Variants in EP400 observed in about 807,000 individuals in gnomAD.
The protein encoded by EP400 is E1A-binding protein p400.
A neutral mutation model predicts 354.1 loss-of-function variants in EP400; 105 were observed. The ratio of observed to expected loss-of-function variants is 0.30; its 90% CI spans 0.25 to 0.35. The LOEUF is 0.35. Among genes scored for constraint, EP400 ranks in the 10% least tolerant of loss-of-function variants. The pLI is 1.00. For synonymous variants in EP400, 1,646 were observed against 1,716.9 expected, an observed-to-expected ratio of 0.96 and a Z score of 1.02; for missense variants, 3,280 against 4,121.0, an observed-to-expected ratio of 0.80 and a Z score of 5.59.
At chr12:132,047,312 A>T (rs1349914565) in intron 39 of EP400, among the ~76,000 whole-genome samples, 1 of 152,242 alleles carries the variant, frequency 6.6e-6, no homozygotes, top group Admixed American at 6.5e-5. Flanking sequence ...AATAATAGCC[A>T]TTACCTTATT....
Position 132,062,548 on chromosome 12 carries a change from ACAGCAGCAGCAGCAGCAG to A in EP400, c.8208_8225del (p.Gln2743_Gln2748del), listed in dbSNP as rs528214697. 1.5e-4 allele frequency: 233 copies of A among 1,564,266 alleles called. 1 individual carries two copies. The highest frequency in any genetic ancestry group is 6.9e-4 in the Middle Eastern group (4 of 5,774). On this transcript the variant is annotated inframe_deletion, in exon 47 of 53. Transcript: ENST00000389561. ...GGCAGCAGCAGCAGCAGCAGCAACA[ACAGCAGCAGCAGCAGCAG>A]CAGCAGCAGCAGCAGCAGCAGCAGC... is the stretch of plus-strand genomic sequence containing the variant.
In EP400 at chr12:131,986,964, T is replaced by C. The variant is rs531348876; in HGVS notation, c.2223+157T>C. On this transcript the variant is annotated intron_variant, in intron 6 of 52. Coordinates refer to ENST00000389561, the MANE Select transcript of EP400 (RefSeq NM_015409.5). ...AAGATGAAAACCAAGGGTTAGCCTT[T>C]TCTGTTGGAAGCAGACTCATGGGGG... is the stretch of plus-strand genomic sequence containing the variant. Among the ~76,000 whole-genome samples, 14 of 152,330 alleles carry C rather than the reference T, an allele frequency of 9.2e-5. No homozygotes were observed. The East Asian group carries it at 2.7e-3, about 29-fold the overall frequency.
In EP400 at chr12:132,026,186, C is replaced by T. The variant is rs117009365; in HGVS notation, c.5014+382C>T. ...TCTTTGTCCGGCCCGAGCTGCCACTCCTCATCCTGTCTCGCCACCTGCTTC... is the reference window on the plus strand; with the variant it reads ...TCTTTGTCCGGCCCGAGCTGCCACTTCTCATCCTGTCTCGCCACCTGCTTC... On this transcript the variant is annotated intron_variant, in intron 25 of 52. Transcript: ENST00000389561. 3.7e-4 allele frequency among the ~76,000 whole-genome samples: 56 copies of T among 152,320 alleles called. 1 individual carries two copies. In the East Asian group the frequency reaches 9.7e-3, roughly 26 times the overall value.
chr12:131,972,175 C>A (rs1892307235), intron 2 of EP400, among the ~76,000 whole-genome samples: 1 of 149,324 alleles, frequency 6.7e-6, no homozygotes, highest in African/African-American at 2.5e-5. Context: ...TTTTTTTAAA[C>A]AGAGTCTCGC....
At chr12:131,991,197 C>CCCCATTATTGAT (rs1566176314) in intron 9 of EP400, among the ~76,000 whole-genome samples, 1 of 152,080 alleles carries the variant, frequency 6.6e-6, no homozygotes, top group Non-Finnish European at 1.5e-5. Flanking sequence ...ATGAGGAACC[C>CCCCATTATTGAT]GAGGCTGAGA....
intron 19 of EP400, among the ~76,000 whole-genome samples, chr12:132,015,051 T>C (rs1037007489): frequency 1.3e-5 from 2 of 152,238 alleles, no homozygotes; most frequent in Admixed American, 1.3e-4. Flanking sequence ...CGTGCACTCA[T>C]GGGCTCGCCA....
In EP400 at chr12:131,994,826, T is replaced by A; in HGVS notation, c.2738-41T>A. 6.4e-7 allele frequency: 1 copy of A among 1,553,138 alleles called. No individual in the cohort carries two copies. The highest frequency in any genetic ancestry group is 2.2e-5 in the East Asian group (1 of 44,512). ...GTGTAATGAGTAACAGACACTCAAG[T>A]GGTGTTGCCTCTCAGTGACACTTGC... On this transcript the variant is annotated intron_variant, in intron 11 of 52. Coordinates refer to ENST00000389561, the MANE Select transcript of EP400 (RefSeq NM_015409.5). This position sits in a 1 kb window ranked among gnomAD's most constrained non-coding sequence, Gnocchi z 4.6.
Position 132,075,315 on chromosome 12 carries a change from A to C in EP400, c.9022-1201A>C, listed in dbSNP as rs1896200120. Among the ~76,000 whole-genome samples, 1 of 151,568 alleles carries C rather than the reference A, an allele frequency of 6.6e-6. No individual in the cohort carries two copies. Among genetic ancestry groups the C allele is most frequent in the South Asian group, 2.1e-4 (1 of 4,812 alleles). On this transcript the variant is annotated intron_variant, in intron 51 of 52. Coordinates refer to ENST00000389561, the MANE Select transcript of EP400 (RefSeq NM_015409.5). This position sits in a 1 kb window ranked among gnomAD's most constrained non-coding sequence, Gnocchi z 4.5. ...TCACGGGGTGCGTCTCCATGTGGCCAGCGATCCCGGGCAGAGGTTGTGCAG... is the reference window on the plus strand; with the variant it reads ...TCACGGGGTGCGTCTCCATGTGGCCCGCGATCCCGGGCAGAGGTTGTGCAG...
intron 12 of EP400, among the ~76,000 whole-genome samples, chr12:131,999,331 C>G (rs985346097): frequency 6.6e-6 from 1 of 152,082 alleles, no homozygotes; most frequent in Non-Finnish European, 1.5e-5. Context: ...ATGATGATAC[C>G]TTTAATGTTT....
At chr12:132,006,445 C>G (rs1893584874) in intron 14 of EP400, 143 bp downstream of exon 14, 1 of 1,090,868 alleles carries the variant, frequency 9.2e-7, no homozygotes, top group Non-Finnish European at 1.3e-6. Flanking sequence ...CTTCATGTGC[C>G]TGTAGTCCCA....
rs753428059 is a variant in EP400 at position 132,043,410 on chromosome 12, C to T, written c.6314C>T (p.Pro2105Leu). The T allele has an allele frequency of 2.0e-5, 33 of 1,613,442 alleles. No homozygotes were observed. The highest frequency in any genetic ancestry group is 5.3e-5 in the African/African-American group (4 of 74,876). The change falls in exon 33 of 53, where the codon CCG (proline) becomes CTG (leucine). Residue 2105 changes from proline to leucine, a missense_variant. By Grantham distance (98) the Pro-to-Leu change is moderately conservative. This residue lies in a region of EP400 where 54 missense variants were observed against 41.3 expected (regional missense o/e 1.31). Coordinates refer to ENST00000389561, the MANE Select transcript of EP400 (RefSeq NM_015409.5). ...CTGTCATCAGACTCTGAGAACATGC[C>T]GTGTGATGAAGAACCATCCCAATTA... ...DALSSDSENM[P>L]CDEEPSQLEE... is the part of the protein sequence containing the mutation.
chr12:132,034,851 C>T (rs1467031575), intron 30 of EP400, among the ~76,000 whole-genome samples: 2 of 152,100 alleles, frequency 1.3e-5, no homozygotes, highest in Non-Finnish European at 2.9e-5. Flanking sequence ...AGAGACAGTA[C>T]CTGTGGCCGA....
At chr12:132,023,532 A>C (rs1427709528) in intron 23 of EP400, among the ~76,000 whole-genome samples, 1 of 151,994 alleles carries the variant, frequency 6.6e-6, no homozygotes, top group African/African-American at 2.4e-5. Context: ...TCAATATCTG[A>C]TATCTAAAAT....
chr12:132,003,302 A>G (rs1466205934), intron 12 of EP400, among the ~76,000 whole-genome samples: 1 of 152,196 alleles, frequency 6.6e-6, no homozygotes, highest in East Asian at 1.9e-4. Context: ...AACTATTTAC[A>G]TAGCATTCAC....
At chr12:132,026,350 GA>G (rs1894304282) in intron 25 of EP400, among the ~76,000 whole-genome samples, 1 of 152,220 alleles carries the variant, frequency 6.6e-6, no homozygotes, top group South Asian at 2.1e-4. Context: ...CTCTCCTTGG[GA>G]TGGAGCCCTT....
In EP400 at chr12:132,062,480, C is replaced by G. The variant is rs780140337; in HGVS notation, c.8113C>G (p.Leu2705Val). Residue 2705 changes from leucine to valine, a missense_variant, in exon 47 of 53, where the codon CTC becomes GTC. Physicochemically the swap from Leu to Val is conservative, Grantham distance 32. Around this residue, in one of 20 missense-constraint regions of EP400, gnomAD observed 255 missense variants for 295.9 expected, o/e 0.86. Coordinates refer to ENST00000389561, the MANE Select transcript of EP400 (RefSeq NM_015409.5). Reference sequence around the variant, plus strand: ...CCTCTTCATAGCCACAGGAGTTCAGCTCCCTGGAAAAACCATCACACCTGC... The same window carrying G: ...CCTCTTCATAGCCACAGGAGTTCAGGTCCCTGGAAAAACCATCACACCTGC... The part of the protein sequence containing the change: ...PQVSQATGVQ[L>V]PGKTITPAHF... The G allele has an allele frequency of 1.5e-5, 25 of 1,613,032 alleles. No individual in the cohort carries two copies. In the African/African-American group the frequency reaches 3.3e-4, roughly 22 times the overall value.
intron 2 of EP400, among the ~76,000 whole-genome samples, chr12:131,971,111 G>A (rs540028076): frequency 3.3e-5 from 5 of 152,314 alleles, no homozygotes; most frequent in African/African-American, 9.6e-5. Context: ...GGCTGAGGCG[G>A]GAAGATCGCT....
chr12:132,071,719 G>A (rs1593390758), intron 51 of EP400, among the ~76,000 whole-genome samples: 1 of 152,184 alleles, frequency 6.6e-6, no homozygotes, highest in East Asian at 1.9e-4. Flanking sequence ...GAGCCCTGCT[G>A]CCCACGGCTC....
Position 132,017,674 on chromosome 12 carries a change from C to T in EP400, c.4063C>T (p.Pro1355Ser), listed in dbSNP as rs973481673. 2 of 1,573,576 alleles carry T rather than the reference C, an allele frequency of 1.3e-6. No individual in the cohort carries two copies. Among genetic ancestry groups the T allele is most frequent in the Admixed American group, 1.9e-5 (1 of 53,426 alleles). Residue 1355 changes from proline (P) to serine (S), a missense_variant, in exon 20 of 53, where the codon CCG becomes TCG. Pro to Ser is a moderately conservative substitution (Grantham distance 74). This residue lies in a region of EP400 where 342 missense variants were observed against 342.7 expected (regional missense o/e 1.00). Coordinates refer to ENST00000389561, the MANE Select transcript of EP400 (RefSeq NM_015409.5). This position sits in a 1 kb window ranked among gnomAD's most constrained non-coding sequence, Gnocchi z 5.0. ...SSYVAGPLEY[P>S]SASLILKALE... ...CTACGTGGCGGGGCCACTGGAGTAT[C>T]CGTCCGCATCTCTAATCCTGAAGGC...
Sources: allele counts gnomAD v4.1 joint callset (sites outside exome capture counted in the v4.1 genomes callset), GRCh38; gene constraint gnomAD v4.1.1; regional missense constraint gnomAD v4.1.1; non-coding constraint Gnocchi (gnomAD v3.1); transcripts MANE v1.5; gene names NCBI Gene and HGNC (gene_info 2026-07-23, HGNC 2026-07-21).